Variants in TRPS1 observed in about 807,000 individuals in gnomAD.
TRPS1 encodes the protein zinc finger transcription factor Trps1.
A neutral mutation model predicts 101.2 loss-of-function variants in TRPS1; 6 were observed. The observed-to-expected ratio is 0.06, with a 90% CI of 0.03 to 0.12. The LOEUF is 0.12. Ranked by LOEUF, TRPS1 falls within the 10% of genes least tolerant of loss-of-function variation. The pLI is 1.00. For synonymous variants in TRPS1, 578 were observed against 589.8 expected, an observed-to-expected ratio of 0.98 and a Z score of 0.29; for missense variants, 1,363 against 1,567.0, an observed-to-expected ratio of 0.87 and a Z score of 2.20.
chr8:115,667,914 C>G, intron 1 of TRPS1: 1 of 1,535,506 alleles, frequency 6.5e-7, no homozygotes, highest in Non-Finnish European at 8.7e-7. Flanking sequence ...CCGCTTGTCA[C>G]GAGCCCCCAG....
intron 4 of TRPS1, among the ~76,000 whole-genome samples, chr8:115,590,495 A>G (rs577664978): frequency 6.6e-6 from 1 of 152,190 alleles, no homozygotes; most frequent in Non-Finnish European, 1.5e-5. Flanking sequence ...CTGTTTCAAG[A>G]TATCAAGACT....
intron 5 of TRPS1, among the ~76,000 whole-genome samples, chr8:115,516,089 T>C (rs987889210): frequency 7.3e-6 from 1 of 136,166 alleles, no homozygotes; most frequent in African/African-American, 2.7e-5. Context: ...AAATTGTATA[T>C]AAAATGAGGG....
intron 5 of TRPS1, among the ~76,000 whole-genome samples, chr8:115,519,706 A>G (rs1434764481): frequency 6.6e-6 from 1 of 151,672 alleles, no homozygotes; most frequent in African/African-American, 2.4e-5. Flanking sequence ...TTGTGTAAAC[A>G]ACATTAATAA....
At chr8:115,648,863 C>G (rs1016769716) in intron 1 of TRPS1, among the ~76,000 whole-genome samples, 3 of 146,326 alleles carry the variant, frequency 2.1e-5, no homozygotes, top group Admixed American at 2.0e-4. Context: ...TCTTTTTTGT[C>G]TTTGTAGCAC....
chr8:115,535,007 T>TAA (rs1816246811), intron 5 of TRPS1, among the ~76,000 whole-genome samples: 1 of 148,972 alleles, frequency 6.7e-6, no homozygotes, highest in Non-Finnish European at 1.5e-5. Flanking sequence ...ATATAGCATA[T>TAA]ATATAGCATA....
chr8:115,606,862 C>T (rs1818050219), intron 3 of TRPS1, among the ~76,000 whole-genome samples: 1 of 148,608 alleles, frequency 6.7e-6, no homozygotes, highest in South Asian at 2.1e-4. Flanking sequence ...AGCCATCAAT[C>T]AGGTTCTTTG....
intron 5 of TRPS1, among the ~76,000 whole-genome samples, chr8:115,487,053 C>CAA (rs1270811716): frequency 6.6e-6 from 1 of 152,152 alleles, no homozygotes; most frequent in Non-Finnish European, 1.5e-5. Context: ...GGCTGAGTCT[C>CAA]TTTTTAAGGG....
intron 5 of TRPS1, among the ~76,000 whole-genome samples, chr8:115,430,462 T>C (rs1364246800): frequency 6.6e-6 from 1 of 152,102 alleles, no homozygotes; most frequent in Non-Finnish European, 1.5e-5. Flanking sequence ...TGTGTGTGTG[T>C]GTGTACACAT....
intron 5 of TRPS1, among the ~76,000 whole-genome samples, chr8:115,433,733 T>C (rs1414764564): frequency 6.6e-6 from 1 of 152,148 alleles, no homozygotes; most frequent in Non-Finnish European, 1.5e-5. Flanking sequence ...CATTGTTAAT[T>C]TCAATTACAC....
intron 5 of TRPS1, among the ~76,000 whole-genome samples, chr8:115,439,404 A>G (rs956609451): frequency 3.9e-5 from 6 of 152,200 alleles, no homozygotes; most frequent in Admixed American, 2.6e-4. Context: ...GTCATTATGA[A>G]GTCATTAGTT....
intron 5 of TRPS1, among the ~76,000 whole-genome samples, chr8:115,431,047 T>C (rs906465733): frequency 2.0e-5 from 3 of 152,088 alleles, no homozygotes; most frequent in Non-Finnish European, 2.9e-5. Flanking sequence ...TTATGATTAA[T>C]TTTTATTGCC....
At chr8:115,602,414 C>T (rs972017094) in intron 4 of TRPS1, among the ~76,000 whole-genome samples, 4 of 152,204 alleles carry the variant, frequency 2.6e-5, no homozygotes, top group Non-Finnish European at 4.4e-5. Context: ...TAACATGCAG[C>T]TAACATCAGA....
chr8:115,432,912 T>C (rs1416036085), intron 5 of TRPS1, among the ~76,000 whole-genome samples: 1 of 151,702 alleles, frequency 6.6e-6, no homozygotes, highest in Admixed American at 6.6e-5. Flanking sequence ...TTCTTAATGA[T>C]GAAAATAGGC....
At chr8:115,457,558 A>C (rs935496287) in intron 5 of TRPS1, among the ~76,000 whole-genome samples, 2 of 152,162 alleles carry the variant, frequency 1.3e-5, no homozygotes, top group Non-Finnish European at 2.9e-5. Context: ...CAACATTAGG[A>C]ATGTATTTCA....
intron 5 of TRPS1, among the ~76,000 whole-genome samples, chr8:115,578,873 C>A (rs553417925): frequency 2.6e-5 from 4 of 152,038 alleles, no homozygotes; most frequent in African/African-American, 9.6e-5. Context: ...CACATAAAAA[C>A]GTGTATGCTT....
At position 115,418,384 on chromosome 8, in the gene TRPS1, A is replaced by G. The variant is rs775374141; in HGVS notation, c.2769T>C (p.Asn923=). Residue 923 remains asparagine (N), a synonymous_variant, in exon 6 of 7, where the codon AAT becomes AAC. Transcript: ENST00000395715. The surrounding 1 kb of genome is among the most constrained non-coding windows in gnomAD (Gnocchi z 4.3). Reference sequence around the variant, plus strand: ...CGTTGCATACATATCCGCCATTTGCATTCTTTCGCCAGAGAGAGGTCTTTG... The same window carrying G: ...CGTTGCATACATATCCGCCATTTGCGTTCTTTCGCCAGAGAGAGGTCTTTG... The part of the protein sequence containing the change: ...LTTKTSLWRK[N]ANGGYVCNAC... The G allele has an allele frequency of 6.2e-7, 1 of 1,614,178 alleles. No homozygotes were observed. The highest frequency in any genetic ancestry group is 8.5e-7 in the Non-Finnish European group (1 of 1,180,018).
intron 5 of TRPS1, among the ~76,000 whole-genome samples, chr8:115,419,531 A>G (rs985929225): frequency 2.6e-5 from 4 of 152,222 alleles, no homozygotes; most frequent in African/African-American, 4.8e-5. Context: ...TACATGTGCC[A>G]TAAGTCAAAA....
chr8:115,519,312 T>C (rs1406994663), intron 5 of TRPS1, among the ~76,000 whole-genome samples: 1 of 151,758 alleles, frequency 6.6e-6, no homozygotes, highest in Non-Finnish European at 1.5e-5. Context: ...AGAAAGGATT[T>C]ACCAGCATAA....
chr8:115,448,320 A>G (rs569168808), intron 5 of TRPS1, among the ~76,000 whole-genome samples: 1 of 152,318 alleles, frequency 6.6e-6, no homozygotes, highest in South Asian at 2.1e-4. Context: ...GGAATCTTAC[A>G]AAGATACAGC....
Sources: allele counts gnomAD v4.1 joint callset (sites outside exome capture counted in the v4.1 genomes callset), GRCh38; gene constraint gnomAD v4.1.1; non-coding constraint Gnocchi (gnomAD v3.1); transcripts MANE v1.5; gene names NCBI Gene and HGNC (gene_info 2026-07-23, HGNC 2026-07-21).